ESD: variants seen among roughly 807,000 people sequenced by gnomAD.
ESD encodes esterase D.
In ESD, 34 loss-of-function variants were observed where a neutral mutation model predicts 38.1. The observed-to-expected ratio is 0.89, with a 90% confidence interval of 0.68 to 1.19. ESD has a LOEUF of 1.19. Among genes scored for constraint, ESD ranks in the 50% most tolerant of loss-of-function variants. The probability of loss-of-function intolerance (pLI) is 0.00; values close to 1 mark genes in which losing one functional copy is unlikely to be tolerated. For synonymous variants in ESD, 97 were observed against 107.0 expected, an observed-to-expected ratio of 0.91 and a Z score of 0.58; for missense variants, 334 against 327.2, an observed-to-expected ratio of 1.02 and a Z score of -0.16.
rs1875003567 is a variant in ESD, at chr13:46,781,582, C to G, written c.415G>C (p.Asp139His). The G allele has an allele frequency of 1.2e-6, 2 of 1,608,492 alleles. No individual in the cohort carries two copies. Among genetic ancestry groups the G allele is most frequent in the Non-Finnish European group, 1.7e-6 (2 of 1,176,080 alleles). The change falls in exon 7 of 10, where the codon GAT (aspartate) becomes CAT (histidine). Residue 139 changes from aspartate to histidine, a missense_variant. Physicochemically the swap from Asp to His is moderately conservative, Grantham distance 81 (BLOSUM62 -1). Coordinates refer to ENST00000378720, the MANE Select transcript of ESD (RefSeq NM_001984.2). ...CCAAAAATAGACATCCTTTGGGGAT[C>G]CACTGGAAAATTGGCATTTATGAGT... ...PQLINANFPV[D>H]PQRMSIFGHS...
chr13:46,781,483 T>C lies in ESD; in HGVS notation c.501+13A>G, dbSNP rs377719604. 12 of 1,580,238 alleles carry C rather than the reference T, an allele frequency of 7.6e-6. No homozygotes were observed. The African/African-American group carries it at 8.2e-5, about 11-fold the overall frequency. ...AGAGAAATATTTATCACTAGAAGTT[T>C]AGATAATCTTACTTTGTATTTTCCA... On this transcript the variant is annotated intron_variant, in intron 7 of 9. Coordinates refer to ENST00000378720, the MANE Select transcript of ESD (RefSeq NM_001984.2).
chr13:46,778,815 A>G (rs1874895231), intron 8 of ESD, among the ~76,000 whole-genome samples: 1 of 151,808 alleles, frequency 6.6e-6, no homozygotes, highest in Non-Finnish European at 1.5e-5. Flanking sequence ...AGCCTAAACA[A>G]AACTGTAATC....
chr13:46,795,113 T>C (rs1280826893), intron 1 of ESD, among the ~76,000 whole-genome samples: 1 of 152,222 alleles, frequency 6.6e-6, no homozygotes, highest in Non-Finnish European at 1.5e-5. Context: ...GACTCATGCC[T>C]GTCTTGCCTA....
intron 2 of ESD, among the ~76,000 whole-genome samples, chr13:46,791,892 A>G (rs1358654877): frequency 1.3e-5 from 2 of 151,996 alleles, no homozygotes; most frequent in East Asian, 3.9e-4. Context: ...ATTACTGAAC[A>G]CTTACGGTGT....
At chr13:46,796,726 G>A (rs1464140066) in intron 1 of ESD, among the ~76,000 whole-genome samples, 2 of 152,230 alleles carry the variant, frequency 1.3e-5, no homozygotes, top group African/African-American at 4.8e-5. Context: ...ACGCGTTGAG[G>A]CCAGCTCCCT....
chr13:46,771,456 G>A lies in ESD; in HGVS notation c.809C>T (p.Thr270Ile). 1 of 1,608,060 alleles carries A rather than the reference G, an allele frequency of 6.2e-7. No individual in the cohort carries two copies. The highest frequency in any genetic ancestry group is 8.5e-7 in the Non-Finnish European group (1 of 1,175,700). ...HSYYFIATFI[T>I]DHIRHHAKYL... ...TTTAGCATGATGTCTGATGTGGTCA[G>A]TAATAAAGGTTGCAATGAAGTAGTA... The change falls in exon 10 of 10, where the codon ACT becomes ATT. Residue 270 changes from threonine to isoleucine, a missense_variant. Physicochemically the swap from Thr to Ile is moderately conservative, Grantham distance 89. Coordinates refer to ENST00000378720, the MANE Select transcript of ESD (RefSeq NM_001984.2).
chr13:46,794,471 C>T (rs1875508438), intron 1 of ESD, among the ~76,000 whole-genome samples: 1 of 152,040 alleles, frequency 6.6e-6, no homozygotes, highest in Non-Finnish European at 1.5e-5. Context: ...GCAGCTAGGA[C>T]TACAGGTGCG....
At chr13:46,796,037 A>C (rs550419503) in intron 1 of ESD, among the ~76,000 whole-genome samples, 1 of 150,486 alleles carries the variant, frequency 6.6e-6, no homozygotes, top group Non-Finnish European at 1.5e-5. Flanking sequence ...AATTTTTTAA[A>C]AAAAATATAG....
intron 3 of ESD, among the ~76,000 whole-genome samples, chr13:46,790,009 T>TA (rs374719527): frequency 0.013 from 1,290 of 96,290 alleles, 15 homozygotes; most frequent in African/African-American, 0.068. Context: ...TATATATATA[T>TA]TTTTTTTTTT....
At chr13:46,784,793 C>T (rs906322217) in intron 4 of ESD, among the ~76,000 whole-genome samples, 12 of 151,890 alleles carry the variant, frequency 7.9e-5, no homozygotes, top group Admixed American at 2.0e-4. Flanking sequence ...GATCCCATAA[C>T]TATCCTTTTA....
intron 9 of ESD, among the ~76,000 whole-genome samples, chr13:46,772,959 C>T (rs1006337792): frequency 6.6e-6 from 1 of 152,178 alleles, no homozygotes; most frequent in African/African-American, 2.4e-5. Flanking sequence ...GCTGGGATTA[C>T]AGGCGTGAGC....
Position 46,781,530 on chromosome 13 carries a change from AGAGCTCCAT to A in ESD, c.458_466del (p.His153_Ala155del). 2.5e-6 allele frequency: 4 copies of A among 1,608,430 alleles called. No homozygotes were observed. Among genetic ancestry groups the A allele is most frequent in the Non-Finnish European group, 3.4e-6 (4 of 1,176,194 alleles). On this transcript the variant is annotated inframe_deletion, in exon 7 of 10. Coordinates refer to ENST00000378720, the MANE Select transcript of ESD (RefSeq NM_001984.2). ...TCCAGGATTTTTCAAAGCACAGATC[AGAGCTCCAT>A]GACCTCCCATGGAGTGGCCAAAAAT...
Position 46,771,465 on chromosome 13 carries a change from G to C in ESD, c.800C>G (p.Thr267Ser), listed in dbSNP as rs754786405. 1 of 1,607,914 alleles carries C rather than the reference G, an allele frequency of 6.2e-7. No individual in the cohort carries two copies. Among genetic ancestry groups the C allele is most frequent in the South Asian group, 1.1e-5 (1 of 90,686 alleles). ...GYDHSYYFIA[T>S]FITDHIRHHA... The stretch of plus-strand genomic sequence containing the variant: ...ATGTCTGATGTGGTCAGTAATAAAG[G>C]TTGCAATGAAGTAGTAGCTATGATC... The change falls in exon 10 of 10, where the codon ACC becomes AGC. Residue 267 changes from threonine (T) to serine (S), a missense_variant. Thr to Ser is a moderately conservative substitution (Grantham distance 58). Coordinates refer to ENST00000378720, the MANE Select transcript of ESD (RefSeq NM_001984.2).
At chr13:46,774,133 C>T (rs1342866176) in intron 9 of ESD, among the ~76,000 whole-genome samples, 1 of 152,044 alleles carries the variant, frequency 6.6e-6, no homozygotes, top group Non-Finnish European at 1.5e-5. Flanking sequence ...TGTTAAGAGC[C>T]ATCAGACACA....
At chr13:46,781,353 C>A in intron 7 of ESD, 143 bp downstream of exon 7, 1 of 590,506 alleles carries the variant, frequency 1.7e-6, no homozygotes, top group East Asian at 3.6e-5. Context: ...AATTAAATAC[C>A]CACCCTTCAA....
chr13:46,771,391 A>C lies in ESD; in HGVS notation c.*25T>G. 6.8e-7 allele frequency: 1 copy of C among 1,471,416 alleles called. No individual in the cohort carries two copies. The highest frequency in any genetic ancestry group is 1.2e-5 in the South Asian group (1 of 84,910). The allele number at this position is 1,471,416 out of a possible 1,614,324, so 91.1% of individuals were successfully genotyped here. ...CATTTTACAACTTTTATAATCCTGA[A>C]GAGATTCTCTTATTTGGAGTTTTTT... On this transcript the variant is annotated 3_prime_UTR_variant, in exon 10 of 10. Transcript: ENST00000378720.
intron 9 of ESD, 39 bp downstream of exon 9, chr13:46,777,411 CATAGTT>C: frequency 7.3e-7 from 1 of 1,376,042 alleles, no homozygotes; most frequent in Non-Finnish European, 9.8e-7. Context: ...CCTAATTTTT[CATAGTT>C]ACATTATCTA....
rs1874848122 is a variant in ESD, at chr13:46,777,600, C to T, written c.624G>A (p.Val208=). The T allele has an allele frequency of 6.2e-7, 1 of 1,605,296 alleles. No homozygotes were observed. Among genetic ancestry groups the T allele is most frequent in the South Asian group, 1.1e-5 (1 of 89,580 alleles). ...KWKAYDATHL[V]KSYPGSQLDI... ...CCAGCTGAGATCCTGGATAGGATTT[C>T]ACAAGGTGGGTAGCATCATAAGCCT... Residue 208 remains valine (V), a synonymous_variant, in exon 9 of 10, where the codon GTG becomes GTA. Coordinates refer to ENST00000378720, the MANE Select transcript of ESD (RefSeq NM_001984.2).
chr13:46,784,034 T>C (rs185852137), intron 5 of ESD, among the ~76,000 whole-genome samples: 165 of 152,026 alleles, frequency 1.1e-3, no homozygotes, highest in African/African-American at 3.6e-3. Flanking sequence ...ACAATGGGAA[T>C]AGCAAAACTA....
Sources: allele counts gnomAD v4.1 joint callset (sites outside exome capture counted in the v4.1 genomes callset), GRCh38; gene constraint gnomAD v4.1.1; transcripts MANE v1.5; gene names NCBI Gene and HGNC (gene_info 2026-07-23, HGNC 2026-07-21).